The following VAV1 variants were observed in gnomAD, a reference collection of about 807,000 sequenced individuals.
The protein encoded by VAV1 is proto-oncogene vav.
In VAV1, 33 loss-of-function variants were observed where a neutral mutation model predicts 128.1. The ratio of observed to expected loss-of-function variants is 0.26; its 90% CI spans 0.20 to 0.34. The LOEUF (loss-of-function observed/expected upper bound fraction) is 0.34, where lower values mean the gene tolerates loss of function less well. VAV1 is among the 10% of genes least tolerant of loss of function. VAV1 has a pLI of 1.00. For missense variants in VAV1, 715 were observed against 1,093.7 expected (o/e 0.65, Z 4.88); for synonymous variants, 394 against 409.8 (o/e 0.96, Z 0.47).
chr19:6,805,583 T>TACACACACACACACACACACACAC (rs55732746), intron 1 of VAV1, among the ~76,000 whole-genome samples: 4 of 139,094 alleles, frequency 2.9e-5, no homozygotes, highest in Middle Eastern at 3.6e-3. Context: ...TTTCTACAGA[T>TACACACACACACACACACACACAC]ACACACACAC....
intron 1 of VAV1, among the ~76,000 whole-genome samples, chr19:6,805,603 C>CACACAT (rs1555700389): frequency 1.3e-5 from 2 of 151,284 alleles, no homozygotes; most frequent in Admixed American, 6.6e-5. Context: ...CACACACACA[C>CACACAT]ACACACACAC....
At chr19:6,804,974 A>G (rs900172324) in intron 1 of VAV1, among the ~76,000 whole-genome samples, 1 of 145,462 alleles carries the variant, frequency 6.9e-6, no homozygotes, top group Non-Finnish European at 1.5e-5. Context: ...GGCGTGAACC[A>G]CCCGCCTCAG....
intron 1 of VAV1, among the ~76,000 whole-genome samples, chr19:6,802,531 G>A (rs1206553965): frequency 6.6e-6 from 1 of 151,950 alleles, no homozygotes; most frequent in Non-Finnish European, 1.5e-5. Flanking sequence ...CCTCTTTGAG[G>A]CATCACATGA....
intron 1 of VAV1, among the ~76,000 whole-genome samples, chr19:6,799,247 A>C (rs1441410984): frequency 6.6e-6 from 1 of 151,980 alleles, no homozygotes; most frequent in African/African-American, 2.4e-5. Flanking sequence ...GGCTCACTGC[A>C]ACCTCCGCCT....
chr19:6,852,149 G>A, intron 24 of VAV1, among the ~76,000 whole-genome samples: 1 of 152,158 alleles, frequency 6.6e-6, no homozygotes, highest in East Asian at 1.9e-4. Context: ...GAATAGCTGA[G>A]ACTACAGGCA....
chr19:6,850,848 C>A, intron 24 of VAV1, 91 bp downstream of exon 24: 1 of 1,292,538 alleles, frequency 7.7e-7, no homozygotes, highest in Non-Finnish European at 1.1e-6. Flanking sequence ...TTCCCACATT[C>A]AGGGTGACCC....
chr19:6,801,291 A>T (rs922491551), intron 1 of VAV1, among the ~76,000 whole-genome samples: 1 of 152,176 alleles, frequency 6.6e-6, no homozygotes, highest in Non-Finnish European at 1.5e-5. Flanking sequence ...TTCCCGACGT[A>T]CAGATGAGTC....
rs531457215 is a variant in VAV1, at chr19:6,826,275, T to C, written c.828-337T>C. 4.7e-4 allele frequency among the ~76,000 whole-genome samples: 72 copies of C among 151,888 alleles called. No homozygotes were observed. The highest frequency in any genetic ancestry group is 8.5e-4 in the Non-Finnish European group (58 of 67,934). On this transcript the variant is annotated intron_variant, in intron 8 of 26. Coordinates refer to ENST00000602142, the MANE Select transcript of VAV1 (RefSeq NM_005428.4). The surrounding 1 kb of genome is among the most constrained non-coding windows in gnomAD (Gnocchi z 4.1). ...ATCGCTTGAACCCGGGAGATGGAGG[T>C]TGCACTGAGCCCAGATCACACCACT...
chr19:6,790,882 T>C (rs1454317723), intron 1 of VAV1, among the ~76,000 whole-genome samples: 1 of 152,210 alleles, frequency 6.6e-6, no homozygotes, highest in African/African-American at 2.4e-5. Flanking sequence ...GGTGTTGCCA[T>C]GGCAATGGTA....
At chr19:6,780,784 G>A (rs1480249894) in intron 1 of VAV1, among the ~76,000 whole-genome samples, 1 of 150,122 alleles carries the variant, frequency 6.7e-6, no homozygotes, top group Non-Finnish European at 1.5e-5. Flanking sequence ...ATGTTGACCA[G>A]GCTGGTCTTG....
intron 1 of VAV1, among the ~76,000 whole-genome samples, chr19:6,807,411 C>T: frequency 6.6e-6 from 1 of 152,030 alleles, no homozygotes; most frequent in Admixed American, 6.6e-5. Flanking sequence ...AGGGTTTGCA[C>T]TCCTATGAGG....
chr19:6,820,966 T>C lies in VAV1; in HGVS notation c.321+148T>C. 1 of 751,096 alleles carries C rather than the reference T, an allele frequency of 1.3e-6. No individual in the cohort carries two copies. Among genetic ancestry groups the C allele is most frequent in the African/African-American group, 1.7e-5 (1 of 57,886 alleles). 46.5% of individuals were successfully genotyped at this position (751,096 alleles called of 1,614,324 possible). On this transcript the variant is annotated intron_variant, in intron 2 of 26. Coordinates refer to ENST00000602142, the MANE Select transcript of VAV1 (RefSeq NM_005428.4). The surrounding 1 kb of genome is among the most constrained non-coding windows in gnomAD (Gnocchi z 4.4). ...GCAAATAGCACTGGCTTGGGATATG[T>C]GGAACTGGGTTTGAGTTCCTGCTCT...
intron 1 of VAV1, among the ~76,000 whole-genome samples, chr19:6,799,280 G>A (rs1008135773): frequency 6.6e-5 from 10 of 152,074 alleles, no homozygotes; most frequent in African/African-American, 2.4e-4. Flanking sequence ...CGATTCTTCT[G>A]CCTCAGCCTC....
At chr19:6,832,028 TG>T in intron 14 of VAV1, 62 bp from the exon 15 acceptor site, 1 of 1,217,466 alleles carries the variant, frequency 8.2e-7, no homozygotes, top group Non-Finnish European at 1.1e-6. Flanking sequence ...GAGGGGTGGG[TG>T]GGTGTGTGCT....
intron 19 of VAV1, 113 bp from the exon 20 acceptor site, chr19:6,836,319 C>T: frequency 1.5e-6 from 2 of 1,341,310 alleles, no homozygotes; most frequent in South Asian, 1.5e-5. Flanking sequence ...TCCTTGTCAA[C>T]ACTTAGTATT....
At chr19:6,856,111 A>G (rs1345694554) in intron 26 of VAV1, among the ~76,000 whole-genome samples, 2 of 152,168 alleles carry the variant, frequency 1.3e-5, no homozygotes, top group African/African-American at 2.4e-5. Flanking sequence ...CCTGGCCAAC[A>G]TGGCGAAACC....
chr19:6,811,480 G>A (rs1352700057), intron 1 of VAV1, among the ~76,000 whole-genome samples: 1 of 152,158 alleles, frequency 6.6e-6, no homozygotes, highest in Non-Finnish European at 1.5e-5. Context: ...CCTGGGTTGA[G>A]GAGGGACATC....
At position 6,822,720 on chromosome 19, in the gene VAV1, T is replaced by A. The variant is rs1599655863; in HGVS notation, c.654+206T>A. Among the ~76,000 whole-genome samples, 4 of 148,234 alleles carry A rather than the reference T, an allele frequency of 2.7e-5. No individual in the cohort carries two copies. ...TCTGACGTATATATATATTAAAAAA[T>A]ATATATAAAATATAGGACACTGCCT... On this transcript the variant is annotated intron_variant, in intron 6 of 26. Coordinates refer to ENST00000602142, the MANE Select transcript of VAV1 (RefSeq NM_005428.4). The surrounding 1 kb of genome is among the most constrained non-coding windows in gnomAD (Gnocchi z 5.9).
intron 15 of VAV1, 93 bp downstream of exon 15, chr19:6,832,293 C>A: frequency 8.5e-7 from 1 of 1,181,222 alleles, no homozygotes; most frequent in Non-Finnish European, 1.2e-6. Context: ...TCCTGACATG[C>A]CATGGGACCA....
Sources: allele counts gnomAD v4.1 joint callset (sites outside exome capture counted in the v4.1 genomes callset), GRCh38; gene constraint gnomAD v4.1.1; non-coding constraint Gnocchi (gnomAD v3.1); transcripts MANE v1.5; gene names NCBI Gene and HGNC (gene_info 2026-07-23, HGNC 2026-07-21).